PRKN: variants seen among roughly 807,000 people sequenced by gnomAD.
The protein encoded by PRKN is parkin RBR E3 ubiquitin protein ligase, also known as E3 ubiquitin-protein ligase parkin.
A neutral mutation model predicts 59.5 loss-of-function variants in PRKN; 56 were observed. The ratio of observed to expected loss-of-function variants is 0.94; its 90% CI spans 0.76 to 1.18. The LOEUF (loss-of-function observed/expected upper bound fraction) is 1.18, where lower values mean the gene tolerates loss of function less well. PRKN is among the 50% of genes most tolerant of loss of function. The pLI is 0.00. For missense variants in PRKN, 657 were observed against 596.4 expected (o/e 1.10, Z -1.06); for synonymous variants, 250 against 222.1 (o/e 1.13, Z -1.12).
intron 5 of PRKN, among the ~76,000 whole-genome samples, chr6:161,976,557 T>C (rs1781041664): frequency 6.6e-6 from 1 of 152,228 alleles, no homozygotes; most frequent in Non-Finnish European, 1.5e-5. Flanking sequence ...TAGGATCCCA[T>C]TCCTTTTACT....
chr6:161,814,529 T>G (rs1791689264), intron 6 of PRKN, among the ~76,000 whole-genome samples: 1 of 151,228 alleles, frequency 6.6e-6, no homozygotes, highest in Non-Finnish European at 1.5e-5. Context: ...TGAGATGGAG[T>G]TTCACTCTTG....
In PRKN at chr6:161,379,059, G is replaced by C. The variant is rs1025102315; in HGVS notation, c.1167+7735C>G. On this transcript the variant is annotated intron_variant, in intron 10 of 11. Coordinates refer to ENST00000366898, the MANE Select transcript of PRKN (RefSeq NM_004562.3). This position sits in a 1 kb window ranked among gnomAD's most constrained non-coding sequence, Gnocchi z 4.9. ...AGGCTAGAAAGGGAGTTGCCATCCT[G>C]GAAGGGGTAACTGACTCTCAGGAGC... Among the ~76,000 whole-genome samples the C allele has an allele frequency of 4.6e-5, 7 of 152,194 alleles. No homozygotes were observed. The highest frequency in any genetic ancestry group is 8.8e-5 in the Non-Finnish European group (6 of 68,028).
chr6:161,746,020 A>G (rs919227428), intron 7 of PRKN, among the ~76,000 whole-genome samples: 2 of 152,198 alleles, frequency 1.3e-5, no homozygotes, highest in African/African-American at 4.8e-5. Context: ...TCAGGGCTGA[A>G]ATGCCAAAAC....
chr6:162,050,627 G>A (rs1011798654), intron 5 of PRKN, among the ~76,000 whole-genome samples: 1 of 152,080 alleles, frequency 6.6e-6, no homozygotes, highest in African/African-American at 2.4e-5. Context: ...TGCTTCCCAG[G>A]AGGTCCCAAG....
At chr6:161,872,553 C>A (rs563129742) in intron 6 of PRKN, among the ~76,000 whole-genome samples, 1 of 152,148 alleles carries the variant, frequency 6.6e-6, no homozygotes, top group African/African-American at 2.4e-5. Context: ...TCAACCCTGG[C>A]GCTTTGCCTC....
Position 161,837,590 on chromosome 6 carries a change from C to A in PRKN, c.735-51682G>T, listed in dbSNP as rs1232363884. ...TTTTTTCCTTTAAAAAAAAAAAAAA[C>A]AACCCATACATCAAATCCAAACTGT... On this transcript the variant is annotated intron_variant, in intron 6 of 11. Transcript: ENST00000366898. 5.0e-3 allele frequency among the ~76,000 whole-genome samples: 679 copies of A among 136,516 alleles called. 6 individuals carry two copies. The highest frequency in any genetic ancestry group is 0.016 in the African/African-American group (574 of 36,270). The allele number at this position is 136,516 out of a possible 152,430, so 89.6% of individuals were successfully genotyped here. A position where few individuals can be genotyped will look rare whatever the true frequency, so the allele number is the denominator to read the frequency against.
chr6:161,426,284 A>T (rs1788352406), intron 9 of PRKN, among the ~76,000 whole-genome samples: 1 of 152,138 alleles, frequency 6.6e-6, no homozygotes, highest in Non-Finnish European at 1.5e-5. Flanking sequence ...ACTTGATTGG[A>T]CTGAAGGATG....
chr6:162,125,957 T>C (rs939302686), intron 4 of PRKN, among the ~76,000 whole-genome samples: 1 of 152,192 alleles, frequency 6.6e-6, no homozygotes, highest in Non-Finnish European at 1.5e-5. Context: ...CTATTAGATA[T>C]GGATGATGTT....
chr6:162,199,057 C>A (rs1386785875), intron 4 of PRKN, among the ~76,000 whole-genome samples: 1 of 152,116 alleles, frequency 6.6e-6, no homozygotes, highest in Non-Finnish European at 1.5e-5. Flanking sequence ...CTCTTGCCAG[C>A]AACTGGCAGA....
chr6:162,362,652 G>C (rs1290535751), intron 2 of PRKN, among the ~76,000 whole-genome samples: 2 of 152,030 alleles, frequency 1.3e-5, no homozygotes, highest in African/African-American at 4.8e-5. Context: ...TAAATATTAA[G>C]AAACAATAGT....
At chr6:162,061,306 T>C (rs997005079) in intron 4 of PRKN, among the ~76,000 whole-genome samples, 3 of 152,204 alleles carry the variant, frequency 2.0e-5, no homozygotes, top group African/African-American at 7.2e-5. Flanking sequence ...ACACAGTTGC[T>C]GGCACATAGA....
At chr6:162,512,102 T>TA (rs145586349) in intron 1 of PRKN, among the ~76,000 whole-genome samples, 39,107 of 152,140 alleles carry the variant, frequency 0.26, 6,232 homozygotes, top group Non-Finnish European at 0.37. Context: ...TTAGGATTCT[T>TA]AGACGAATCT....
chr6:161,917,249 G>A (rs1329834703), intron 6 of PRKN, among the ~76,000 whole-genome samples: 1 of 152,106 alleles, frequency 6.6e-6, no homozygotes, highest in Non-Finnish European at 1.5e-5. Context: ...GGGACTACAG[G>A]TGTGTGCCAC....
Position 161,480,569 on chromosome 6 carries a change from G to A in PRKN, c.1083+68285C>T, listed in dbSNP as rs1353328550. ...GATGATGGGTCTTTTGTGCATTCCTGGTTCTGGGCTTTGGGGCACAAGGAG... is the reference window on the plus strand; with the variant it reads ...GATGATGGGTCTTTTGTGCATTCCTAGTTCTGGGCTTTGGGGCACAAGGAG... On this transcript the variant is annotated intron_variant, in intron 9 of 11. Coordinates refer to ENST00000366898, the MANE Select transcript of PRKN (RefSeq NM_004562.3). This position sits in a 1 kb window ranked among gnomAD's most constrained non-coding sequence, Gnocchi z 4.1. Among the ~76,000 whole-genome samples the A allele has an allele frequency of 1.3e-5, 2 of 152,172 alleles. No individual in the cohort carries two copies. The highest frequency in any genetic ancestry group is 1.3e-4 in the Admixed American group (2 of 15,284).
intron 10 of PRKN, among the ~76,000 whole-genome samples, chr6:161,384,675 A>G (rs4587148): frequency 0.065 from 9,962 of 152,304 alleles, 473 homozygotes; most frequent in South Asian, 0.24. Context: ...GTCTGGTTGA[A>G]GAGGTTCTGG....
At chr6:161,782,851 G>A (rs966157963) in intron 7 of PRKN, among the ~76,000 whole-genome samples, 1 of 151,976 alleles carries the variant, frequency 6.6e-6, no homozygotes, top group Non-Finnish European at 1.5e-5. Context: ...CCGAGATCAT[G>A]CCACTGCACT....
chr6:162,609,840 A>G lies in PRKN; in HGVS notation c.7+117822T>C, dbSNP rs540032056. 5.9e-5 allele frequency among the ~76,000 whole-genome samples: 9 copies of G among 152,352 alleles called. No individual in the cohort carries two copies. In the East Asian group the frequency reaches 7.7e-4, roughly 13 times the overall value. On this transcript the variant is annotated intron_variant, in intron 1 of 11. Transcript: ENST00000366898. ...CCAGTGATTCTGGCAATACCCTAAG[A>G]CAGAATAAATGGTAGGCAGCTGTGA...
At chr6:162,380,931 G>A (rs1786448430) in intron 2 of PRKN, among the ~76,000 whole-genome samples, 1 of 152,096 alleles carries the variant, frequency 6.6e-6, no homozygotes, top group African/African-American at 2.4e-5. Context: ...AGCTACAACA[G>A]CCACATGGGA....
intron 1 of PRKN, among the ~76,000 whole-genome samples, chr6:162,711,430 A>AT (rs1778532575): frequency 6.6e-6 from 1 of 151,398 alleles, no homozygotes; most frequent in Admixed American, 6.6e-5. Context: ...TAAAAAAAAA[A>AT]AAAAACCAGG....
Sources: allele counts gnomAD v4.1 joint callset (sites outside exome capture counted in the v4.1 genomes callset), GRCh38; gene constraint gnomAD v4.1.1; non-coding constraint Gnocchi (gnomAD v3.1); transcripts MANE v1.5; gene names NCBI Gene and HGNC (gene_info 2026-07-23, HGNC 2026-07-21).